Variants in MCTP2 observed in about 807,000 individuals in gnomAD.
MCTP2 encodes the protein multiple C2 and transmembrane domain containing 2.
Under a neutral mutation model 111.6 loss-of-function variants are expected in MCTP2, and 132 were observed. The ratio of observed to expected loss-of-function variants is 1.18; its 90% CI spans 1.03 to 1.37. The LOEUF (loss-of-function observed/expected upper bound fraction) is 1.37, where lower values mean the gene tolerates loss of function less well. MCTP2 is among the 40% of genes most tolerant of loss of function. The pLI is 0.00. For missense variants in MCTP2, 1,183 were observed against 1,067.9 expected (o/e 1.11, Z -1.50); for synonymous variants, 395 against 387.7 (o/e 1.02, Z -0.22).
chr15:94,243,906 C>CAT (rs572670262), intron 1 of MCTP2, among the ~76,000 whole-genome samples: 22 of 133,976 alleles, frequency 1.6e-4, no homozygotes, highest in South Asian at 9.7e-4. Context: ...TATACACATA[C>CAT]ATATGTGTAT....
intron 20 of MCTP2, among the ~76,000 whole-genome samples, chr15:94,459,379 G>T (rs896198441): frequency 6.6e-6 from 1 of 152,134 alleles, no homozygotes; most frequent in African/African-American, 2.4e-5. Context: ...GCAACTTTAT[G>T]TAAATACTAA....
intron 1 of MCTP2, among the ~76,000 whole-genome samples, chr15:94,258,075 C>G (rs1380386478): frequency 7.4e-6 from 1 of 136,004 alleles, no homozygotes; most frequent in Non-Finnish European, 1.6e-5. Context: ...GAGGTTTTAC[C>G]ATGTAGGCCA....
At chr15:94,384,880 G>A (rs962683828) in intron 13 of MCTP2, among the ~76,000 whole-genome samples, 1 of 152,182 alleles carries the variant, frequency 6.6e-6, no homozygotes, top group African/African-American at 2.4e-5. Flanking sequence ...TCCCTAACAC[G>A]TTGCCAATGG....
intron 8 of MCTP2, among the ~76,000 whole-genome samples, chr15:94,351,020 T>G (rs957456788): frequency 6.8e-6 from 1 of 147,390 alleles, no homozygotes; most frequent in Admixed American, 6.6e-5. Flanking sequence ...GTACAAAAAT[T>G]GAGTGACAAT....
At chr15:94,451,339 C>T (rs1160503842) in intron 19 of MCTP2, among the ~76,000 whole-genome samples, 1 of 152,166 alleles carries the variant, frequency 6.6e-6, no homozygotes, top group Non-Finnish European at 1.5e-5. Context: ...ATGCTTTCAT[C>T]TCTTCATTAT....
At chr15:94,369,604 ACT>A (rs145155663) in intron 11 of MCTP2, among the ~76,000 whole-genome samples, 4,716 of 152,216 alleles carry the variant, frequency 0.031, 236 homozygotes, top group African/African-American at 0.1. Flanking sequence ...CAGAAAATTC[ACT>A]GTTTCTGCCC....
chr15:94,341,028 A>G (rs541517176), intron 7 of MCTP2, 104 bp downstream of exon 7: 26 of 742,110 alleles, frequency 3.5e-5, no homozygotes, highest in African/African-American at 3.5e-5. Flanking sequence ...TGTTTTTGCA[A>G]TTATTTTAGG....
At chr15:94,288,934 A>G (rs573135223) in intron 1 of MCTP2, among the ~76,000 whole-genome samples, 2 of 152,216 alleles carry the variant, frequency 1.3e-5, no homozygotes, top group Non-Finnish European at 2.9e-5. Context: ...CAGAGGAAAG[A>G]GTCAGTAAAA....
chr15:94,402,092 A>G (rs935015571), intron 17 of MCTP2, 73 bp downstream of exon 17: 2 of 1,554,448 alleles, frequency 1.3e-6, no homozygotes, highest in Non-Finnish European at 1.7e-6. Context: ...AATATATTAC[A>G]GCGTAGGTGA....
At chr15:94,363,711 T>A (rs571442766) in intron 10 of MCTP2, among the ~76,000 whole-genome samples, 1 of 152,216 alleles carries the variant, frequency 6.6e-6, no homozygotes, top group South Asian at 2.1e-4. Flanking sequence ...TAAATCTTGT[T>A]GTTGCAGTGG....
At chr15:94,257,901 A>G (rs1221316089) in intron 1 of MCTP2, among the ~76,000 whole-genome samples, 1 of 146,724 alleles carries the variant, frequency 6.8e-6, no homozygotes, top group South Asian at 2.2e-4. Flanking sequence ...CTTTTTTAAG[A>G]TGGAATCATG....
chr15:94,243,248 T>G (rs747284819), intron 1 of MCTP2, among the ~76,000 whole-genome samples: 8 of 149,596 alleles, frequency 5.3e-5, no homozygotes, highest in Non-Finnish European at 9.0e-5. Flanking sequence ...CATGCGTATA[T>G]GCGTATATAC....
intron 19 of MCTP2, among the ~76,000 whole-genome samples, chr15:94,445,949 G>C (rs1419725637): frequency 6.6e-6 from 1 of 152,206 alleles, no homozygotes; most frequent in Non-Finnish European, 1.5e-5. Flanking sequence ...GCCGGGGCCT[G>C]TTGGCACAAC....
intron 1 of MCTP2, among the ~76,000 whole-genome samples, chr15:94,252,555 T>C (rs980845441): frequency 3.3e-5 from 5 of 152,104 alleles, no homozygotes; most frequent in African/African-American, 9.7e-5. Context: ...CTGTGGTAAG[T>C]GCTGATCCCC....
chr15:94,262,680 T>C (rs1368583956), intron 1 of MCTP2, among the ~76,000 whole-genome samples: 1 of 149,558 alleles, frequency 6.7e-6, no homozygotes, highest in African/African-American at 2.5e-5. Context: ...TTTGTGGGGG[T>C]GCGTGGAGGA....
chr15:94,237,940 A>G (rs1207312373), intron 1 of MCTP2, among the ~76,000 whole-genome samples: 2 of 152,104 alleles, frequency 1.3e-5, no homozygotes, highest in African/African-American at 4.8e-5. Flanking sequence ...AAATGTTTAC[A>G]TTTATCTATA....
intron 17 of MCTP2, among the ~76,000 whole-genome samples, chr15:94,424,177 G>A (rs1285159487): frequency 1.3e-5 from 2 of 152,102 alleles, no homozygotes; most frequent in Non-Finnish European, 2.9e-5. Context: ...TATTTACTTA[G>A]TATCGTTTTT....
At chr15:94,374,830 G>A (rs1292786981) in intron 12 of MCTP2, among the ~76,000 whole-genome samples, 1 of 152,070 alleles carries the variant, frequency 6.6e-6, no homozygotes, top group Non-Finnish European at 1.5e-5. Flanking sequence ...CATGCCAAGA[G>A]TAGCAACAAA....
Position 94,340,219 on chromosome 15 carries a change from C to T in MCTP2, c.801C>T (p.Thr267=), listed in dbSNP as rs2077560942. ...LRVKVYDRDL[T]TSDFMGSAFV... is the part of the protein sequence containing the mutation. The stretch of plus-strand genomic sequence containing the variant: ...TGTAGGTATATGATCGAGATTTAAC[C>T]ACATCTGATTTCATGGGTTCTGCAT... The change falls in exon 6 of 23, where the codon ACC becomes ACT. Residue 267 remains threonine, a synonymous_variant. Transcript: ENST00000357742. 3.7e-6 allele frequency: 6 copies of T among 1,612,562 alleles called. No homozygotes were observed. In the African/African-American group the frequency reaches 4.0e-5, roughly 11 times the overall value.
Sources: allele counts gnomAD v4.1 joint callset (sites outside exome capture counted in the v4.1 genomes callset), GRCh38; gene constraint gnomAD v4.1.1; transcripts MANE v1.5; gene names NCBI Gene and HGNC (gene_info 2026-07-23, HGNC 2026-07-21).